The following SATB1 variants were observed in gnomAD, a reference collection of about 807,000 sequenced individuals.
SATB1 encodes the protein SATB homeobox 1, also known as DNA-binding protein SATB1.
Under a neutral mutation model 86.9 loss-of-function variants are expected in SATB1, and 11 were observed. That is an observed-to-expected ratio of 0.13 (90% CI 0.08 to 0.21). The LOEUF is 0.21. SATB1 is among the 10% of genes least tolerant of loss of function. The pLI is 1.00. For missense variants in SATB1, 551 were observed against 937.6 expected (o/e 0.59, Z 5.39); for synonymous variants, 357 against 357.2 (o/e 1.00, Z 0.01).
At chr3:18,389,301 G>T (rs143909819) in intron 7 of SATB1, among the ~76,000 whole-genome samples, 1 of 148,972 alleles carries the variant, frequency 6.7e-6, no homozygotes, top group East Asian at 2.0e-4. Flanking sequence ...TTTCAATGAG[G>T]GGAGTGCCCC....
chr3:18,365,928 G>A (rs1351338346), intron 9 of SATB1, among the ~76,000 whole-genome samples: 3 of 152,174 alleles, frequency 2.0e-5, no homozygotes, highest in African/African-American at 7.2e-5. Context: ...AGGTAATTTA[G>A]ACAGTAACAG....
At position 18,402,726 on chromosome 3, in the gene SATB1, A is replaced by G. The variant is rs907991955; in HGVS notation, c.640-5436T>C. Among the ~76,000 whole-genome samples the G allele has an allele frequency of 2.0e-5, 3 of 152,138 alleles. No homozygotes were observed. The East Asian group carries it at 5.8e-4, about 29-fold the overall frequency. On this transcript the variant is annotated intron_variant, in intron 5 of 10. Coordinates refer to ENST00000338745, the MANE Select transcript of SATB1 (RefSeq NM_002971.6). ...ACAAAACAAAAAAAACAGGACTGTG[A>G]TATCATGATCAAAACTTATCAAGGA...
intron 9 of SATB1, among the ~76,000 whole-genome samples, chr3:18,367,096 G>A (rs1283057288): frequency 2.0e-5 from 3 of 152,110 alleles, no homozygotes; most frequent in East Asian, 1.9e-4. Context: ...GAGGTTAAAC[G>A]GCTTGCCTGG....
chr3:18,437,918 C>A (rs1699119170), intron 1 of SATB1, among the ~76,000 whole-genome samples: 1 of 152,064 alleles, frequency 6.6e-6, no homozygotes, highest in Non-Finnish European at 1.5e-5. Context: ...GAAAGAAAGG[C>A]TTGCTATATC....
At chr3:18,377,333 ATTCTTT>A (rs1695810683) in intron 9 of SATB1, among the ~76,000 whole-genome samples, 1 of 152,162 alleles carries the variant, frequency 6.6e-6, no homozygotes. Flanking sequence ...GTGTTATGAA[ATTCTTT>A]TTCAAGGGGG....
upstream of SATB1, among the ~76,000 whole-genome samples, chr3:18,427,909 CAT>C (rs1181805967): frequency 6.6e-6 from 1 of 152,126 alleles, no homozygotes; most frequent in Non-Finnish European, 1.5e-5. Flanking sequence ...TAAAATGGCA[CAT>C]AGAGGTTAAT....
chr3:18,408,164 AT>A (rs959628651), intron 5 of SATB1, among the ~76,000 whole-genome samples: 4 of 152,016 alleles, frequency 2.6e-5, no homozygotes, highest in African/African-American at 9.7e-5. Context: ...AAAATAATCA[AT>A]TTTTTTAAGA....
chr3:18,385,474 T>A (rs1696292461), intron 8 of SATB1, among the ~76,000 whole-genome samples: 1 of 151,754 alleles, frequency 6.6e-6, no homozygotes, highest in African/African-American at 2.4e-5. Context: ...CACAAAAAAA[T>A]TAGCTGGGCG....
intron 9 of SATB1, among the ~76,000 whole-genome samples, chr3:18,374,788 A>G (rs1327311649): frequency 6.6e-6 from 1 of 152,218 alleles, no homozygotes. Context: ...TGATACATAA[A>G]TACCTGATAA....
At chr3:18,371,760 T>C (rs1695490122) in intron 9 of SATB1, among the ~76,000 whole-genome samples, 1 of 152,218 alleles carries the variant, frequency 6.6e-6, no homozygotes, top group Non-Finnish European at 1.5e-5. Flanking sequence ...AAACCTACCT[T>C]CATTATCAAA....
intron 7 of SATB1, among the ~76,000 whole-genome samples, chr3:18,388,423 A>T (rs1286966512): frequency 6.6e-6 from 1 of 152,196 alleles, no homozygotes; most frequent in Non-Finnish European, 1.5e-5. Context: ...TTGACAAAGC[A>T]ATATATTCTC....
rs1694258266 is a variant in SATB1, at chr3:18,349,783, C to T, written c.1780-101G>A. 4 of 1,458,472 alleles carry T rather than the reference C, an allele frequency of 2.7e-6. No individual in the cohort carries two copies. The African/African-American group carries it at 4.3e-5, about 16-fold the overall frequency. 90.3% of individuals were successfully genotyped at this position (1,458,472 alleles called of 1,614,324 possible). A position where few individuals can be genotyped will look rare whatever the true frequency, so the allele number is the denominator to read the frequency against. On this transcript the variant is annotated intron_variant, in intron 10 of 10. Transcript: ENST00000338745. This position sits in a 1 kb window ranked among gnomAD's most constrained non-coding sequence, Gnocchi z 5.5. ...ATGTGGTCCCGGATCCTACATATAG[C>T]TTCTTTGATAGGGATGAAGATTTAG...
intron 5 of SATB1, among the ~76,000 whole-genome samples, chr3:18,412,754 A>G (rs1697921384): frequency 1.3e-5 from 2 of 152,094 alleles, no homozygotes; most frequent in Admixed American, 1.3e-4. Flanking sequence ...TATTTTGGAC[A>G]TAGGCTTTAG....
intron 9 of SATB1, among the ~76,000 whole-genome samples, chr3:18,357,475 TGTAA>T (rs201125243): frequency 0.012 from 1,855 of 151,858 alleles, 35 homozygotes; most frequent in African/African-American, 0.042. Flanking sequence ...TAAAAGAATC[TGTAA>T]GTGTTACTTA....
At chr3:18,376,652 A>C (rs1695773380) in intron 9 of SATB1, among the ~76,000 whole-genome samples, 1 of 152,256 alleles carries the variant, frequency 6.6e-6, no homozygotes, top group South Asian at 2.1e-4. Context: ...ACATCTGAAG[A>C]AGCACACAGG....
chr3:18,423,327 TAAC>T lies in SATB1; in HGVS notation c.-25+297_-25+299del, dbSNP rs1309722079. On this transcript the variant is annotated intron_variant, in intron 1 of 10. Coordinates refer to ENST00000338745, the MANE Select transcript of SATB1 (RefSeq NM_002971.6). ...TTACTGAATAAAACAGTGAACTCAG[TAAC>T]AACAATTATTTCCTTTAAAAGGAAA... Among the ~76,000 whole-genome samples the T allele has an allele frequency of 5.9e-5, 9 of 152,218 alleles. No individual in the cohort carries two copies. In the East Asian group the frequency reaches 7.7e-4, roughly 13 times the overall value.
chr3:18,358,730 C>T (rs73175988), intron 9 of SATB1, among the ~76,000 whole-genome samples: 2,256 of 152,032 alleles, frequency 0.015, 54 homozygotes, highest in African/African-American at 0.051. Context: ...TTCTGATACT[C>T]ATATTTGCTG....
chr3:18,361,722 G>A (rs1694913536), intron 9 of SATB1, among the ~76,000 whole-genome samples: 1 of 152,132 alleles, frequency 6.6e-6, no homozygotes, highest in Admixed American at 6.5e-5. Context: ...ATAAGGATAT[G>A]TACAAATATT....
chr3:18,394,349 A>G lies in SATB1; in HGVS notation c.1206+113T>C. Reference sequence around the variant, plus strand: ...AGGAATAGGTAATATGATCACATGAAGAGAGAGAGAAAATGTTAGTACAGA... The same window carrying G: ...AGGAATAGGTAATATGATCACATGAGGAGAGAGAGAAAATGTTAGTACAGA... On this transcript the variant is annotated intron_variant, in intron 7 of 10. Transcript: ENST00000338745. The surrounding 1 kb of genome is among the most constrained non-coding windows in gnomAD (Gnocchi z 5.9). 1.1e-6 allele frequency: 1 copy of G among 869,690 alleles called. No individual in the cohort carries two copies. The highest frequency in any genetic ancestry group is 1.8e-6 in the Non-Finnish European group (1 of 548,236). 53.9% of individuals were successfully genotyped at this position (869,690 alleles called of 1,614,324 possible).
Sources: gnomAD v4.1 joint callset for allele counts (sites outside exome capture counted in the v4.1 genomes callset) on GRCh38, gnomAD v4.1.1 for gene constraint, Gnocchi (gnomAD v3.1) non-coding constraint, MANE v1.5 for transcripts, NCBI Gene and HGNC (gene_info 2026-07-23, HGNC 2026-07-21) for gene names.